PTPRT: variants seen among roughly 807,000 people sequenced by gnomAD.
The protein encoded by PTPRT is protein tyrosine phosphatase receptor type T.
In PTPRT, 56 loss-of-function variants were observed where a neutral mutation model predicts 176.8. The observed-to-expected ratio is 0.32, with a 90% CI of 0.26 to 0.40. The LOEUF (loss-of-function observed/expected upper bound fraction) is 0.40, where lower values mean the gene tolerates loss of function less well. Ranked by LOEUF, PTPRT falls within the 10% of genes least tolerant of loss-of-function variation. The pLI is 1.00. For missense variants in PTPRT, 1,540 were observed against 1,908.2 expected (o/e 0.81, Z 3.60); for synonymous variants, 783 against 739.0 (o/e 1.06, Z -0.96).
At chr20:42,135,633 G>A (rs1033292286) in intron 18 of PTPRT, among the ~76,000 whole-genome samples, 1 of 152,212 alleles carries the variant, frequency 6.6e-6, no homozygotes, top group African/African-American at 2.4e-5. Context: ...CATAAGACTA[G>A]AGACTCACCT....
At chr20:42,408,861 T>C (rs1485321930) in intron 9 of PTPRT, among the ~76,000 whole-genome samples, 8 of 152,236 alleles carry the variant, frequency 5.3e-5, no homozygotes, top group Admixed American at 5.2e-4. Context: ...CAGATTGGTG[T>C]CTGATAAGGG....
chr20:42,214,474 A>G (rs2055720957), intron 15 of PTPRT, among the ~76,000 whole-genome samples: 1 of 152,134 alleles, frequency 6.6e-6, no homozygotes, highest in South Asian at 2.1e-4. Flanking sequence ...GGGCTTGTGA[A>G]TCCCCCAGCA....
downstream of PTPRT, among the ~76,000 whole-genome samples, chr20:42,070,733 T>A (rs535566200): frequency 6.6e-6 from 1 of 152,310 alleles, no homozygotes; most frequent in African/African-American, 2.4e-5. Context: ...TGTTAACAGG[T>A]ACCTTTGAGA....
At chr20:42,519,155 T>G (rs1210259699) in intron 7 of PTPRT, among the ~76,000 whole-genome samples, 1 of 152,128 alleles carries the variant, frequency 6.6e-6, no homozygotes, top group African/African-American at 2.4e-5. Flanking sequence ...TTCTTAACAT[T>G]GGCAGCCACT....
chr20:42,446,996 A>G (rs949916889), intron 9 of PTPRT, among the ~76,000 whole-genome samples: 14 of 152,212 alleles, frequency 9.2e-5, no homozygotes, highest in Admixed American at 9.2e-4. Flanking sequence ...ATGTTGGATA[A>G]TCTTCTCCCT....
At chr20:42,799,055 C>T (rs934353032) in intron 2 of PTPRT, among the ~76,000 whole-genome samples, 1 of 150,482 alleles carries the variant, frequency 6.6e-6, no homozygotes. Flanking sequence ...GAGGGAGAGA[C>T]ACAAGACAAA....
At position 42,078,286 on chromosome 20, in the gene PTPRT, T is replaced by C; in HGVS notation, c.*2593A>G. ...TGGTGTCCCTGGACTTCTGGACAGC[T>C]CCAGAGCCCATGCCAATGGAAGCAA... On this transcript the variant is annotated 3_prime_UTR_variant, in exon 31 of 31. Transcript: ENST00000373187. 4.8e-6 allele frequency: 1 copy of C among 208,708 alleles called. No homozygotes were observed. Among genetic ancestry groups the C allele is most frequent in the East Asian group, 7.2e-5 (1 of 13,918 alleles). The allele number at this position is 208,708 out of a possible 1,614,324, so 12.9% of individuals were successfully genotyped here.
chr20:42,605,180 C>T (rs994841197), intron 7 of PTPRT, among the ~76,000 whole-genome samples: 2 of 152,152 alleles, frequency 1.3e-5, no homozygotes, highest in African/African-American at 4.8e-5. Context: ...AGACCTGCCC[C>T]GGAGCAGGTG....
In PTPRT at chr20:42,336,370, A is replaced by G. The variant is rs1200505361; in HGVS notation, c.1865+14258T>C. ...TAGCACATTATGTAGTGACATTGCC[A>G]ATTCCCAGAAGAAAGAGCAAAGAAT... On this transcript the variant is annotated intron_variant, in intron 11 of 30. Transcript: ENST00000373187. Among the ~76,000 whole-genome samples, 4 of 152,310 alleles carry G rather than the reference A, an allele frequency of 2.6e-5. No individual in the cohort carries two copies. In the East Asian group the frequency reaches 7.7e-4, roughly 29 times the overall value.
At chr20:42,430,519 C>T (rs1310284697) in intron 9 of PTPRT, among the ~76,000 whole-genome samples, 1 of 152,150 alleles carries the variant, frequency 6.6e-6, no homozygotes, top group Non-Finnish European at 1.5e-5. Context: ...CTGCTTCAAC[C>T]TCTTCTTCTG....
chr20:42,870,757 G>A (rs2078831447), intron 2 of PTPRT, among the ~76,000 whole-genome samples: 1 of 151,992 alleles, frequency 6.6e-6, no homozygotes, highest in Non-Finnish European at 1.5e-5. Flanking sequence ...TTTATTTTTG[G>A]TTTTCCATAT....
At chr20:42,991,747 A>C (rs910440308) in intron 1 of PTPRT, among the ~76,000 whole-genome samples, 7 of 152,198 alleles carry the variant, frequency 4.6e-5, no homozygotes, top group Non-Finnish European at 7.3e-5. Context: ...ACAATAAACA[A>C]ATTAAATATA....
In PTPRT at chr20:42,185,967, C is replaced by T. The variant is rs117785374; in HGVS notation, c.2491+13273G>A. On this transcript the variant is annotated intron_variant, in intron 16 of 30. Transcript: ENST00000373187. ...TTCCCATCTAGTAGAGGGGTCAAGT[C>T]TTAAACACATTTGCAAACCGCAGTT... Among the ~76,000 whole-genome samples the T allele has an allele frequency of 4.0e-3, 606 of 152,108 alleles. 3 individuals are homozygous for T. Among genetic ancestry groups the T allele is most frequent in the South Asian group, 6.9e-3 (33 of 4,810 alleles).
At chr20:42,159,377 C>A (rs6030015) in intron 17 of PTPRT, among the ~76,000 whole-genome samples, 3,491 of 150,498 alleles carry the variant, frequency 0.023, 126 homozygotes, top group African/African-American at 0.081. Context: ...TCTATAGAAT[C>A]TTGTTTTTTT....
intron 9 of PTPRT, among the ~76,000 whole-genome samples, chr20:42,397,074 T>C (rs1320733618): frequency 6.6e-6 from 1 of 152,246 alleles, no homozygotes; most frequent in African/African-American, 2.4e-5. Flanking sequence ...TATATTCATT[T>C]ACTATCTGTC....
chr20:42,123,606 G>GTGAT (rs1568951732), intron 19 of PTPRT, among the ~76,000 whole-genome samples: 1 of 152,148 alleles, frequency 6.6e-6, no homozygotes, highest in Admixed American at 6.5e-5. Context: ...CATCCTTTCA[G>GTGAT]TGATGTTCCC....
At chr20:43,111,094 G>C (rs11697711) in intron 1 of PTPRT, among the ~76,000 whole-genome samples, 3,472 of 152,252 alleles carry the variant, frequency 0.023, 52 homozygotes, top group Non-Finnish European at 0.034. Flanking sequence ...CGTGTGGATA[G>C]GGTGATCCAA....
In PTPRT at chr20:43,127,209, G is replaced by T. The variant is rs1432329477; in HGVS notation, c.88+62437C>A. 2.6e-5 allele frequency among the ~76,000 whole-genome samples: 4 copies of T among 152,110 alleles called. No homozygotes were observed. In the South Asian group the frequency reaches 6.2e-4, roughly 24 times the overall value. On this transcript the variant is annotated intron_variant, in intron 1 of 30. Coordinates refer to ENST00000373187, the MANE Select transcript of PTPRT (RefSeq NM_007050.6). ...GAGGCAAAGGCGGGCGGATCACAAG[G>T]TCAGGAGATGGAGACCATCCTGGCT...
rs1982690059 is a variant in PTPRT at position 42,075,547 on chromosome 20, T to G, written c.*5332A>C. ...GCTGCAGCCTAAGGAAGGGTGGCTT[T>G]CTTCATTTTGTCCCAAGGCAGTGAG... On this transcript the variant is annotated 3_prime_UTR_variant, in exon 31 of 31. Transcript: ENST00000373187. 3 of 210,084 alleles carry G rather than the reference T, an allele frequency of 1.4e-5. No individual in the cohort carries two copies. In the East Asian group the frequency reaches 2.2e-4, roughly 15 times the overall value. The allele number at this position is 210,084 out of a possible 1,614,324, so 13.0% of individuals were successfully genotyped here. A position where few individuals can be genotyped will look rare whatever the true frequency, so the allele number is the denominator to read the frequency against.
Sources: allele counts gnomAD v4.1 joint callset (sites outside exome capture counted in the v4.1 genomes callset), GRCh38; gene constraint gnomAD v4.1.1; transcripts MANE v1.5; gene names NCBI Gene and HGNC (gene_info 2026-07-23, HGNC 2026-07-21).